The following FOXN3 variants were observed in gnomAD, a reference collection of about 807,000 sequenced individuals.
The protein encoded by FOXN3 is forkhead box protein N3.
A neutral mutation model predicts 38.4 loss-of-function variants in FOXN3; 7 were observed. The observed-to-expected ratio is 0.18, with a 90% confidence interval of 0.10 to 0.34. The LOEUF is 0.34. Among genes scored for constraint, FOXN3 ranks in the 10% least tolerant of loss-of-function variants. The pLI is 1.00. For missense variants in FOXN3, 456 were observed against 613.4 expected, an observed-to-expected ratio of 0.74 and a Z score of 2.71; for synonymous variants, 230 against 242.2, an observed-to-expected ratio of 0.95 and a Z score of 0.47.
rs1887161220 is a variant in FOXN3 at position 89,163,547 on chromosome 14, T to G, written c.852-578A>C. ...CAGAAATGCATGACCTTAGGGAGGGTTCTGGGGGAGGGACACGGGGTTGGA... is the reference window on the plus strand; with the variant it reads ...CAGAAATGCATGACCTTAGGGAGGGGTCTGGGGGAGGGACACGGGGTTGGA... On this transcript the variant is annotated intron_variant, in intron 5 of 5. Transcript: ENST00000557258. This position sits in a 1 kb window ranked among gnomAD's most constrained non-coding sequence, Gnocchi z 4.3. Among the ~76,000 whole-genome samples the G allele has an allele frequency of 6.6e-6, 1 of 151,716 alleles. No individual in the cohort carries two copies. The highest frequency in any genetic ancestry group is 2.1e-4 in the South Asian group (1 of 4,794).
rs140593007 is a variant in FOXN3, at chr14:89,549,372, C to T, written c.-15+69656G>A. ...CTAATTCAGGCAACAAAAACACCAACGCCTGTCCATGGTCTATTTGAGAAA... is the reference window on the plus strand; with the variant it reads ...CTAATTCAGGCAACAAAAACACCAATGCCTGTCCATGGTCTATTTGAGAAA... On this transcript the variant is annotated intron_variant, in intron 1 of 6. Coordinates refer to the FOXN3 transcript ENST00000345097. 5.1e-3 allele frequency among the ~76,000 whole-genome samples: 770 copies of T among 151,920 alleles called. 7 individuals are homozygous for T. Among genetic ancestry groups the T allele is most frequent in the African/African-American group, 0.017 (723 of 41,400 alleles).
chr14:89,315,365 G>A (rs3783862), intron 3 of FOXN3, among the ~76,000 whole-genome samples: 116,432 of 152,118 alleles, frequency 0.77, 44,729 homozygotes, highest in Middle Eastern at 0.82. Flanking sequence ...AGGATATACA[G>A]TGAAAATAAG....
chr14:89,342,393 G>A (rs1356407551), intron 3 of FOXN3, among the ~76,000 whole-genome samples: 6 of 152,128 alleles, frequency 3.9e-5, no homozygotes, highest in South Asian at 2.1e-4. Flanking sequence ...AGAATTAAAC[G>A]TATAATGAAC....
At chr14:89,187,701 A>G (rs545467288) in intron 4 of FOXN3, among the ~76,000 whole-genome samples, 1 of 152,332 alleles carries the variant, frequency 6.6e-6, no homozygotes, top group South Asian at 2.1e-4. Context: ...GCACGGAGAA[A>G]GAGTGAAGCC....
At chr14:89,381,145 CAAAAAAAAAAAA>C (rs71130067) in intron 2 of FOXN3, among the ~76,000 whole-genome samples, 9,816 of 64,844 alleles carry the variant, frequency 0.15, 852 homozygotes, top group African/African-American at 0.34. Flanking sequence ...CCCTCCGTCT[CAAAAAAAAAAAA>C]AAAAAAAAAA....
At chr14:89,505,668 C>A (rs533212091) in intron 1 of FOXN3, among the ~76,000 whole-genome samples, 1 of 149,476 alleles carries the variant, frequency 6.7e-6, no homozygotes, top group African/African-American at 2.5e-5. Flanking sequence ...CCCAAAGTGC[C>A]GAGATTGCAG....
intron 3 of FOXN3, among the ~76,000 whole-genome samples, chr14:89,347,827 C>T (rs1419970798): frequency 1.3e-5 from 2 of 152,154 alleles, no homozygotes; most frequent in African/African-American, 4.8e-5. Flanking sequence ...TGGCGCCTGC[C>T]TGTAGTCCCA....
At chr14:89,522,080 T>C (rs970629165) in intron 1 of FOXN3, among the ~76,000 whole-genome samples, 2 of 151,052 alleles carry the variant, frequency 1.3e-5, no homozygotes, top group African/African-American at 4.9e-5. Context: ...AGATTTCTCA[T>C]CATAAACAAT....
At chr14:89,307,891 C>T (rs1289303516) in intron 3 of FOXN3, among the ~76,000 whole-genome samples, 1 of 152,058 alleles carries the variant, frequency 6.6e-6, no homozygotes. Flanking sequence ...CACTCTGCAC[C>T]GACATAAAGA....
At chr14:89,551,092 G>A (rs1894997402) in intron 1 of FOXN3, among the ~76,000 whole-genome samples, 1 of 152,172 alleles carries the variant, frequency 6.6e-6, no homozygotes, top group Non-Finnish European at 1.5e-5. Context: ...ACATCCTTTG[G>A]TTCCTTGCCC....
At chr14:89,572,797 G>C (rs942578293) in intron 1 of FOXN3, among the ~76,000 whole-genome samples, 4 of 152,266 alleles carry the variant, frequency 2.6e-5, no homozygotes, top group South Asian at 2.1e-4. Flanking sequence ...ATAGCCAGAA[G>C]TATGCACCTG....
intron 1 of FOXN3, among the ~76,000 whole-genome samples, chr14:89,544,886 A>G (rs1166210134): frequency 2.6e-5 from 4 of 152,252 alleles, no homozygotes; most frequent in Admixed American, 6.5e-5. Context: ...TGCAACTGAA[A>G]TATACACTGT....
At chr14:89,440,578 G>C (rs564626316) in intron 1 of FOXN3, among the ~76,000 whole-genome samples, 4 of 152,222 alleles carry the variant, frequency 2.6e-5, no homozygotes, top group African/African-American at 7.2e-5. Context: ...GGCTCAAAAA[G>C]CACCCCCACT....
intron 1 of FOXN3, among the ~76,000 whole-genome samples, chr14:89,476,386 T>G (rs554124457): frequency 6.6e-6 from 1 of 152,284 alleles, no homozygotes; most frequent in South Asian, 2.1e-4. Context: ...ATGCCCCTGC[T>G]CGGACCCCCA....
At chr14:89,447,430 G>A (rs138555925) in intron 1 of FOXN3, among the ~76,000 whole-genome samples, 98 of 152,198 alleles carry the variant, frequency 6.4e-4, no homozygotes, top group African/African-American at 2.3e-3. Context: ...TTCAGCAGGT[G>A]TTTTAATGAA....
At chr14:89,191,798 T>C (rs1002100877) in intron 4 of FOXN3, among the ~76,000 whole-genome samples, 1 of 151,182 alleles carries the variant, frequency 6.6e-6, no homozygotes, top group Non-Finnish European at 1.5e-5. Flanking sequence ...TTTTTTTCTA[T>C]TTTGCCTGCA....
At chr14:89,171,375 C>T (rs552900184) in intron 5 of FOXN3, among the ~76,000 whole-genome samples, 4 of 152,196 alleles carry the variant, frequency 2.6e-5, no homozygotes, top group Admixed American at 2.6e-4. Flanking sequence ...TAGATATTTC[C>T]AGTCTTAGAT....
chr14:89,508,751 G>C (rs548880138), intron 1 of FOXN3, among the ~76,000 whole-genome samples: 49 of 152,110 alleles, frequency 3.2e-4, no homozygotes, highest in Non-Finnish European at 5.7e-4. Context: ...TGCAGGTTTC[G>C]ATCCAGCAGG....
intron 1 of FOXN3, among the ~76,000 whole-genome samples, chr14:89,520,080 C>T (rs1215565039): frequency 6.9e-6 from 1 of 145,344 alleles, no homozygotes; most frequent in Non-Finnish European, 1.5e-5. Context: ...GCGGCACGAG[C>T]GCGGATCACT....
Sources: gnomAD v4.1 joint callset for allele counts (sites outside exome capture counted in the v4.1 genomes callset) on GRCh38, gnomAD v4.1.1 for gene constraint, Gnocchi (gnomAD v3.1) non-coding constraint, MANE v1.5 for transcripts, NCBI Gene and HGNC (gene_info 2026-07-23, HGNC 2026-07-21) for gene names.